CATSPERD: variants seen among roughly 807,000 people sequenced by gnomAD.
CATSPERD encodes catsper channel auxiliary subunit delta.
A neutral mutation model predicts 98.1 loss-of-function variants in CATSPERD; 86 were observed. The ratio of observed to expected loss-of-function variants is 0.88; its 90% CI spans 0.74 to 1.05. The LOEUF (loss-of-function observed/expected upper bound fraction) is 1.05, where lower values mean the gene tolerates loss of function less well. Among genes scored for constraint, CATSPERD ranks in the 50% least tolerant of loss-of-function variants. The pLI is 0.00. For missense variants in CATSPERD, 995 were observed against 1,005.7 expected (o/e 0.99, Z 0.14); for synonymous variants, 394 against 390.2 (o/e 1.01, Z -0.12).
intron 18 of CATSPERD, among the ~76,000 whole-genome samples, chr19:5,769,221 A>G (rs2056601305): frequency 6.7e-6 from 1 of 149,410 alleles, no homozygotes; most frequent in Non-Finnish European, 1.5e-5. Flanking sequence ...TGTAATCCCA[A>G]CACTTTGGAA....
chr19:5,754,075 C>T (rs569299949), intron 12 of CATSPERD, 57 bp from the exon 13 acceptor site: 6 of 1,211,250 alleles, frequency 5.0e-6, no homozygotes, highest in Non-Finnish European at 7.4e-6. Flanking sequence ...CACCTCCTTG[C>T]CCTTTCTTTA....
Position 5,745,998 on chromosome 19 carries a change from C to T in CATSPERD, c.743C>T (p.Ala248Val), listed in dbSNP as rs1201416942. 9.3e-6 allele frequency: 15 copies of T among 1,614,066 alleles called. No homozygotes were observed. Among genetic ancestry groups the T allele is most frequent in the East Asian group, 6.7e-5 (3 of 44,876 alleles). Residue 248 changes from alanine to valine, a missense_variant, in exon 9 of 22, where the codon GCC becomes GTC. This residue lies in a region of CATSPERD where 762 missense variants were observed against 773.7 expected (regional missense o/e 0.98). Transcript: ENST00000381624. ...AATGGGACTCTAGACATCCTCATCG[C>T]CCCCGGCCAGAGAGGCATCCTGCTC... ...DYNGTLDILI[A>V]PGQRGILLLW...
chr19:5,765,574 G>A (rs1363184036), intron 16 of CATSPERD, among the ~76,000 whole-genome samples: 1 of 151,988 alleles, frequency 6.6e-6, no homozygotes, highest in Non-Finnish European at 1.5e-5. Context: ...CACTTTGGGA[G>A]GCCCAGGCGG....
chr19:5,745,056 C>T lies in CATSPERD; in HGVS notation c.657+546C>T, dbSNP rs189093511. Among the ~76,000 whole-genome samples the T allele has an allele frequency of 1.7e-3, 251 of 152,112 alleles. 3 individuals carry two copies. Among genetic ancestry groups the T allele is most frequent in the African/African-American group, 5.9e-3 (243 of 41,518 alleles). ...CTCCCGGGCTCAAGTGATTCTTGTG[C>T]TTCAGCCTCCTGAATAGCTGGGATT... On this transcript the variant is annotated intron_variant, in intron 8 of 21. Coordinates refer to ENST00000381624, the MANE Select transcript of CATSPERD (RefSeq NM_152784.4).
intron 2 of CATSPERD, 41 bp from the exon 3 acceptor site, chr19:5,727,227 T>C (rs371571514): frequency 2.1e-6 from 3 of 1,446,020 alleles, no homozygotes; most frequent in Non-Finnish European, 2.9e-6. Context: ...CAGCTGTTTA[T>C]GGTTATTGAT....
chr19:5,776,796 C>T (rs1394214737), intron 21 of CATSPERD, among the ~76,000 whole-genome samples: 2 of 151,928 alleles, frequency 1.3e-5, no homozygotes, highest in Admixed American at 6.6e-5. Flanking sequence ...ATCGCTTGAA[C>T]CCGGGAGGCA....
Position 5,763,243 on chromosome 19 carries a change from A to T in CATSPERD, c.1456A>T (p.Thr486Ser), listed in dbSNP as rs755118962. 9.9e-6 allele frequency: 16 copies of T among 1,614,056 alleles called. No homozygotes were observed. In the South Asian group the frequency reaches 1.8e-4, roughly 18 times the overall value. ...AAAGAAAGCCACCATGTCTACCTTA[A>T]CTGTGGACATAGCAAACAAGGAAAT... is the stretch of plus-strand genomic sequence containing the variant. Reference protein sequence around the residue: ...SLKKATMSTLTVDIANKEISC... With the variant: ...SLKKATMSTLSVDIANKEISC... The change falls in exon 16 of 22, where the codon ACT (threonine) becomes TCT (serine). Residue 486 changes from threonine to serine, a missense_variant. Physicochemically the swap from Thr to Ser is moderately conservative, Grantham distance 58. Transcript: ENST00000381624.
At chr19:5,739,195 C>T in intron 6 of CATSPERD, 131 bp from the exon 7 acceptor site, 1 of 621,722 alleles carries the variant, frequency 1.6e-6, no homozygotes, top group Non-Finnish European at 2.8e-6. Flanking sequence ...CAGAAACAGC[C>T]CCATCGAACA....
rs775477485 is a variant in CATSPERD, at chr19:5,749,184, G to C, written c.987+1G>C. Reference sequence around the variant, plus strand: ...CATCGTGCCAAGTTCCATAATCAAAGTAGGTAAAAAGAAAGTGGGGTTATG... The same window carrying C: ...CATCGTGCCAAGTTCCATAATCAAACTAGGTAAAAAGAAAGTGGGGTTATG... On this transcript the variant is annotated splice_donor_variant, in intron 11 of 21. Coordinates refer to ENST00000381624, the MANE Select transcript of CATSPERD (RefSeq NM_152784.4). LOFTEE classifies it high-confidence loss of function. 1.2e-6 allele frequency: 2 copies of C among 1,609,674 alleles called. No individual in the cohort carries two copies. The highest frequency in any genetic ancestry group is 2.2e-5 in the South Asian group (2 of 90,672).
chr19:5,776,360 C>G (rs112059347), intron 21 of CATSPERD, 45 bp downstream of exon 21: 22 of 1,601,772 alleles, frequency 1.4e-5, no homozygotes, highest in Middle Eastern at 1.7e-4. Context: ...GCCTGGTGCC[C>G]CTGGGGGCAG....
At chr19:5,747,993 T>C (rs1452600457) in intron 9 of CATSPERD, among the ~76,000 whole-genome samples, 167 bp from the exon 10 acceptor site, 1 of 152,086 alleles carries the variant, frequency 6.6e-6, no homozygotes, top group African/African-American at 2.4e-5. Flanking sequence ...TTCTCCTTGA[T>C]TCATTCTCCT....
chr19:5,772,462 C>T (rs1385067811), intron 19 of CATSPERD: 2 of 278,754 alleles, frequency 7.2e-6, no homozygotes, highest in South Asian at 3.6e-5. Flanking sequence ...CTCCTGACCT[C>T]GTGATCCTCC....
chr19:5,760,549 C>T (rs956917016), intron 15 of CATSPERD, among the ~76,000 whole-genome samples: 8 of 148,040 alleles, frequency 5.4e-5, no homozygotes, highest in South Asian at 2.2e-4. Context: ...TGGTCTGAGT[C>T]ACAGAGACAG....
chr19:5,755,857 C>T (rs555873885), intron 13 of CATSPERD, among the ~76,000 whole-genome samples: 5 of 151,586 alleles, frequency 3.3e-5, no homozygotes, highest in Non-Finnish European at 7.4e-5. Flanking sequence ...GTAGTCCCAG[C>T]TACTTGGGGC....
At chr19:5,741,800 G>GGGGGGGGGGGGT (rs2055976568) in intron 7 of CATSPERD, among the ~76,000 whole-genome samples, 3 of 75,744 alleles carry the variant, frequency 4.0e-5, no homozygotes, top group Non-Finnish European at 9.8e-5. Context: ...GGGGGGGGGT[G>GGGGGGGGGGGGT]GTGTGGATCA....
intron 5 of CATSPERD, among the ~76,000 whole-genome samples, chr19:5,736,741 A>C (rs966897537): frequency 2.0e-5 from 3 of 151,124 alleles, no homozygotes; most frequent in Admixed American, 1.3e-4. Flanking sequence ...ACTCTCTCTC[A>C]AATAAATAAA....
chr19:5,778,638 C>T lies in CATSPERD; in HGVS notation c.2359C>T (p.Arg787Cys), dbSNP rs373865922. 42 of 1,613,382 alleles carry T rather than the reference C, an allele frequency of 2.6e-5. No homozygotes were observed. The highest frequency in any genetic ancestry group is 1.6e-4 in the Middle Eastern group (1 of 6,078). Residue 787 changes from arginine to cysteine, a missense_variant, in exon 22 of 22, where the codon CGC becomes TGC. Physicochemically the swap from Arg to Cys is radical, Grantham distance 180. Around this residue, in one of 3 missense-constraint regions of CATSPERD, gnomAD observed 762 missense variants for 773.7 expected, o/e 0.98. Transcript: ENST00000381624. ...TARAGTEPPG[R>C]HRTPHGGRSD... ...CAGGGCAGGCACAGAGCCCCCGGGA[C>T]GCCACCGCACTCCTCACGGAGGCAG... is the stretch of plus-strand genomic sequence containing the variant.
chr19:5,746,510 G>T (rs113151961), intron 9 of CATSPERD, among the ~76,000 whole-genome samples: 173 of 152,126 alleles, frequency 1.1e-3, no homozygotes, highest in African/African-American at 4.1e-3. Context: ...CCCACTGCAA[G>T]CTCCGCCTCC....
chr19:5,775,238 AGAAAC>A, intron 20 of CATSPERD: 1 of 471,208 alleles, frequency 2.1e-6, no homozygotes, highest in Non-Finnish European at 4.4e-6. Context: ...TTAAGACAAA[AGAAAC>A]TGTTTTAAAG....
Sources: allele counts gnomAD v4.1 joint callset (sites outside exome capture counted in the v4.1 genomes callset), GRCh38; gene constraint gnomAD v4.1.1; regional missense constraint gnomAD v4.1.1; transcripts MANE v1.5; gene names NCBI Gene and HGNC (gene_info 2026-07-23, HGNC 2026-07-21).